DPYD: variants seen among roughly 807,000 people sequenced by gnomAD.
DPYD encodes the protein dihydropyrimidine dehydrogenase.
DPYD carries 109 observed loss-of-function variants against 116.2 expected under a neutral mutation model. The observed-to-expected ratio is 0.94, with a 90% CI of 0.80 to 1.10. DPYD has a LOEUF of 1.10. DPYD is among the 50% of genes least tolerant of loss of function. The pLI, the probability that DPYD is intolerant of heterozygous loss-of-function variation, is 0.00. For missense variants in DPYD, 1,302 were observed against 1,254.5 expected (o/e 1.04, Z -0.57); for synonymous variants, 440 against 432.0 (o/e 1.02, Z -0.23).
chr1:97,485,413 G>A (rs916423923), intron 13 of DPYD, among the ~76,000 whole-genome samples: 4 of 152,152 alleles, frequency 2.6e-5, no homozygotes, highest in African/African-American at 9.7e-5. Flanking sequence ...TGTTGGCCAG[G>A]CTGGTCTCGA....
At chr1:97,314,655 T>C (rs1317190818) in intron 16 of DPYD, among the ~76,000 whole-genome samples, 1 of 151,942 alleles carries the variant, frequency 6.6e-6, no homozygotes, top group Non-Finnish European at 1.5e-5. Context: ...AATGGCAGTG[T>C]TAATTGTAGA....
intron 3 of DPYD, among the ~76,000 whole-genome samples, chr1:97,791,308 C>T (rs1339192048): frequency 6.6e-6 from 1 of 152,094 alleles, no homozygotes; most frequent in Non-Finnish European, 1.5e-5. Context: ...ACAGGAACAC[C>T]CAGTCCCCCA....
chr1:97,617,968 C>A (rs1340531389), intron 8 of DPYD, among the ~76,000 whole-genome samples: 1 of 152,092 alleles, frequency 6.6e-6, no homozygotes, highest in Non-Finnish European at 1.5e-5. Context: ...ACTTGGGTCC[C>A]CAAAATGTAA....
intron 20 of DPYD, among the ~76,000 whole-genome samples, chr1:97,114,734 G>C (rs1651845565): frequency 6.6e-6 from 1 of 151,950 alleles, no homozygotes. Context: ...GAGGAAAGCA[G>C]ATTTTCCCTG....
At chr1:97,153,817 T>C (rs1655210228) in intron 20 of DPYD, among the ~76,000 whole-genome samples, 2 of 151,256 alleles carry the variant, frequency 1.3e-5, no homozygotes, top group Non-Finnish European at 3.0e-5. Flanking sequence ...AAATAAACAA[T>C]CCCATCCAAA....
chr1:97,349,609 T>A (rs1570572581), intron 16 of DPYD, among the ~76,000 whole-genome samples: 1 of 152,234 alleles, frequency 6.6e-6, no homozygotes, highest in East Asian at 1.9e-4. Flanking sequence ...TGGTTTTTTG[T>A]CCTTGTGATA....
At chr1:97,127,940 TA>T (rs1652974831) in intron 20 of DPYD, among the ~76,000 whole-genome samples, 1 of 152,162 alleles carries the variant, frequency 6.6e-6, no homozygotes, top group Admixed American at 6.6e-5. Flanking sequence ...TATGTATTGC[TA>T]ATCTTGCACA....
chr1:97,531,100 A>G (rs978569009), intron 12 of DPYD, among the ~76,000 whole-genome samples: 2 of 152,180 alleles, frequency 1.3e-5, no homozygotes. Flanking sequence ...TTAGCTATGC[A>G]GAAGTTCTTT....
At chr1:97,649,619 A>C (rs1658469205) in intron 8 of DPYD, among the ~76,000 whole-genome samples, 1 of 152,070 alleles carries the variant, frequency 6.6e-6, no homozygotes, top group Non-Finnish European at 1.5e-5. Flanking sequence ...CATTTTAGTG[A>C]AGTCAAAACT....
At chr1:97,547,273 T>A (rs1650967559) in intron 12 of DPYD, among the ~76,000 whole-genome samples, 3 of 151,850 alleles carry the variant, frequency 2.0e-5, no homozygotes, top group African/African-American at 7.2e-5. Flanking sequence ...AATGAGAAAA[T>A]AAAAACAGGA....
intron 12 of DPYD, among the ~76,000 whole-genome samples, chr1:97,535,247 C>A (rs1368122353): frequency 6.6e-6 from 1 of 152,136 alleles, no homozygotes; most frequent in Non-Finnish European, 1.5e-5. Flanking sequence ...GAACACAATT[C>A]TGGTCAAAAT....
intron 1 of DPYD, among the ~76,000 whole-genome samples, chr1:97,884,266 C>T (rs1672375811): frequency 1.3e-5 from 2 of 151,968 alleles, no homozygotes; most frequent in African/African-American, 4.8e-5. Context: ...GAACAACATA[C>T]CATTATTTCA....
chr1:97,176,897 TAGGGG>T (rs1657318456), intron 20 of DPYD, among the ~76,000 whole-genome samples: 1 of 79,662 alleles, frequency 1.3e-5, no homozygotes, highest in Non-Finnish European at 2.3e-5. Flanking sequence ...TGTGTGTGTG[TAGGGG>T]GGGTGTCCTA....
intron 10 of DPYD, among the ~76,000 whole-genome samples, chr1:97,588,966 G>C (rs190808575): frequency 1.3e-5 from 2 of 152,198 alleles, no homozygotes; most frequent in African/African-American, 2.4e-5. Context: ...CATCAGAGCA[G>C]TGGACCAGCA....
intron 14 of DPYD, among the ~76,000 whole-genome samples, chr1:97,439,738 T>C (rs1183421263): frequency 6.6e-6 from 1 of 152,120 alleles, no homozygotes; most frequent in Non-Finnish European, 1.5e-5. Context: ...ATCTTTATTA[T>C]ATCATTTATT....
chr1:97,481,624 G>A (rs1287511681), intron 13 of DPYD, among the ~76,000 whole-genome samples: 1 of 151,868 alleles, frequency 6.6e-6, no homozygotes, highest in African/African-American at 2.4e-5. Context: ...ATACCAAAGC[G>A]TTTTCCTTTA....
At chr1:97,480,145 A>G (rs1469022902) in intron 13 of DPYD, among the ~76,000 whole-genome samples, 3 of 152,156 alleles carry the variant, frequency 2.0e-5, no homozygotes, top group African/African-American at 7.2e-5. Context: ...TTACTCTAGA[A>G]ATTTTAAATC....
chr1:97,385,010 A>C (rs554897252), intron 14 of DPYD, among the ~76,000 whole-genome samples: 1 of 152,016 alleles, frequency 6.6e-6, no homozygotes, highest in Admixed American at 6.6e-5. Context: ...ATTGGGGAGA[A>C]AAATGTAAGA....
chr1:97,124,403 T>C (rs1327738842), intron 20 of DPYD, among the ~76,000 whole-genome samples: 1 of 152,142 alleles, frequency 6.6e-6, no homozygotes, highest in Non-Finnish European at 1.5e-5. Flanking sequence ...ATGACTTTAG[T>C]AACTTTTCTG....
Sources: gnomAD v4.1 joint callset for allele counts (sites outside exome capture counted in the v4.1 genomes callset) on GRCh38, gnomAD v4.1.1 for gene constraint, MANE v1.5 for transcripts, NCBI Gene and HGNC (gene_info 2026-07-23, HGNC 2026-07-21) for gene names.